Variants in JAKMIP1 observed in about 807,000 individuals in gnomAD.
JAKMIP1 encodes the protein janus kinase and microtubule-interacting protein 1.
JAKMIP1 carries 33 observed loss-of-function variants against 113.0 expected under a neutral mutation model. The observed-to-expected ratio is 0.29, with a 90% CI of 0.22 to 0.39. JAKMIP1 has a LOEUF of 0.39. Ranked by LOEUF, JAKMIP1 falls within the 10% of genes least tolerant of loss-of-function variation. The pLI is 1.00. For synonymous variants in JAKMIP1, 480 were observed against 459.9 expected, an observed-to-expected ratio of 1.04 and a Z score of -0.56; for missense variants, 813 against 1,080.5, an observed-to-expected ratio of 0.75 and a Z score of 3.47.
rs1191358910 is a variant in JAKMIP1 at position 6,102,722 on chromosome 4, C to CTTTTTTT, written c.624+2744_624+2750dup. Among the ~76,000 whole-genome samples, 314 of 50,836 alleles carry CTTTTTTT rather than the reference C, an allele frequency of 6.2e-3. 56 individuals are homozygous for CTTTTTTT. Among genetic ancestry groups the CTTTTTTT allele is most frequent in the African/African-American group, 0.019 (218 of 11,688 alleles). 33.4% of individuals were successfully genotyped at this position (50,836 alleles called of 152,430 possible). On this transcript the variant is annotated intron_variant, in intron 3 of 20. Transcript: ENST00000409021. ...TCCCTTTTTTCTCCCTCTCTAAAGA[C>CTTTTTTT]TTTTTTTTTTTTTTTTTTTTTTTTT...
intron 1 of JAKMIP1, among the ~76,000 whole-genome samples, chr4:6,174,841 C>G (rs1055415949): frequency 6.6e-6 from 1 of 151,842 alleles, no homozygotes; most frequent in Non-Finnish European, 1.5e-5. Flanking sequence ...GTCGCCCCAA[C>G]TGTTTTGCAC....
In JAKMIP1 at chr4:6,086,706, A is replaced by C. The variant is rs115589569; in HGVS notation, c.625-1077T>G. Reference sequence around the variant, plus strand: ...AGACCCATGGCCTTCCTGGAACTTCAGAATGGGACCTTATTTGGAAAGAGG... The same window carrying C: ...AGACCCATGGCCTTCCTGGAACTTCCGAATGGGACCTTATTTGGAAAGAGG... On this transcript the variant is annotated intron_variant, in intron 3 of 20. Transcript: ENST00000409021. The surrounding 1 kb of genome is among the most constrained non-coding windows in gnomAD (Gnocchi z 4.1). Among the ~76,000 whole-genome samples the C allele has an allele frequency of 7.1e-3, 1,085 of 152,246 alleles. 12 individuals carry two copies. Among genetic ancestry groups the C allele is most frequent in the African/African-American group, 0.025 (1,034 of 41,554 alleles).
chr4:6,125,612 C>T (rs1220911394), intron 1 of JAKMIP1, among the ~76,000 whole-genome samples: 1 of 144,096 alleles, frequency 6.9e-6, no homozygotes, highest in Non-Finnish European at 1.5e-5. Flanking sequence ...CACACACACA[C>T]ACACCATACA....
rs966352561 is a variant in JAKMIP1 at position 6,154,723 on chromosome 4, C to T, written c.-147-41726G>A. Among the ~76,000 whole-genome samples, 1 of 152,044 alleles carries T rather than the reference C, an allele frequency of 6.6e-6. No homozygotes were observed. Among genetic ancestry groups the T allele is most frequent in the African/African-American group, 2.4e-5 (1 of 41,376 alleles). On this transcript the variant is annotated intron_variant, in intron 1 of 20. Transcript: ENST00000409021. This position sits in a 1 kb window ranked among gnomAD's most constrained non-coding sequence, Gnocchi z 4.2. ...ACCCCTCTTTCAGTTTACTTACTAC[C>T]CAGCCCACTCCTAACTCCCCACCCC...
chr4:6,149,094 G>T (rs1721236828), intron 1 of JAKMIP1, among the ~76,000 whole-genome samples: 2 of 152,192 alleles, frequency 1.3e-5, no homozygotes, highest in South Asian at 4.1e-4. Context: ...GGTTTGCACT[G>T]ACTTCGGCCA....
chr4:6,169,112 G>A (rs925353669), intron 1 of JAKMIP1, among the ~76,000 whole-genome samples: 1 of 152,144 alleles, frequency 6.6e-6, no homozygotes, highest in African/African-American at 2.4e-5. Flanking sequence ...ACTTTAAAAG[G>A]CCAGATTTTA....
intron 3 of JAKMIP1, among the ~76,000 whole-genome samples, chr4:6,100,072 T>A (rs1387987910): frequency 6.6e-6 from 1 of 152,208 alleles, no homozygotes; most frequent in Non-Finnish European, 1.5e-5. Flanking sequence ...CTTTTATCAA[T>A]CCTATTTAAA....
intron 3 of JAKMIP1, among the ~76,000 whole-genome samples, chr4:6,087,221 T>C (rs1373085862): frequency 2.0e-5 from 3 of 152,156 alleles, no homozygotes; most frequent in Non-Finnish European, 4.4e-5. Context: ...TGAAGGGCCC[T>C]CTTCTGATAG....
intron 1 of JAKMIP1, among the ~76,000 whole-genome samples, chr4:6,117,340 T>C (rs527399658): frequency 9.6e-4 from 146 of 152,254 alleles, no homozygotes; most frequent in African/African-American, 3.4e-3. Context: ...ACATCACTCA[T>C]TGGTAGGATC....
At position 6,154,391 on chromosome 4, in the gene JAKMIP1, A is replaced by G. The variant is rs1282854546; in HGVS notation, c.-147-41394T>C. Among the ~76,000 whole-genome samples the G allele has an allele frequency of 1.3e-5, 2 of 152,086 alleles. No homozygotes were observed. The highest frequency in any genetic ancestry group is 1.9e-4 in the East Asian group (1 of 5,180). ...AGGATTTACCACAAAGAGCGTGAAG[A>G]GAGTGGTCCCCTTCCAAGTCCCCAT... On this transcript the variant is annotated intron_variant, in intron 1 of 20. Transcript: ENST00000409021. This position sits in a 1 kb window ranked among gnomAD's most constrained non-coding sequence, Gnocchi z 4.2.
chr4:6,170,245 TCCCCCCACCCTTCTCACCACCACCACC>T (rs1724278700), intron 1 of JAKMIP1, among the ~76,000 whole-genome samples: 1 of 53,278 alleles, frequency 1.9e-5, no homozygotes. Context: ...TCACCACCAC[TCCCCCCACCCTTCTCACCACCACCACC>T]ACCATCACCA....
intron 8 of JAKMIP1, among the ~76,000 whole-genome samples, chr4:6,074,155 G>A (rs958964486): frequency 6.6e-6 from 1 of 152,252 alleles, no homozygotes; most frequent in Non-Finnish European, 1.5e-5. Flanking sequence ...CTGTTGGATA[G>A]GCCCAGTAAG....
In JAKMIP1 at chr4:6,137,392, G is replaced by A. The variant is rs941064301; in HGVS notation, c.-147-24395C>T. 1.3e-5 allele frequency among the ~76,000 whole-genome samples: 2 copies of A among 152,220 alleles called. No homozygotes were observed. Among genetic ancestry groups the A allele is most frequent in the African/African-American group, 2.4e-5 (1 of 41,468 alleles). On this transcript the variant is annotated intron_variant, in intron 1 of 20. Transcript: ENST00000409021. This position sits in a 1 kb window ranked among gnomAD's most constrained non-coding sequence, Gnocchi z 4.5. ...GTTCCCGTACCTTCGCTGGGAGTCA[G>A]GAAATTCACGGCTCTGGCCCATGGA...
chr4:6,085,991 TC>T (rs151187177), intron 3 of JAKMIP1, among the ~76,000 whole-genome samples: 3,460 of 152,166 alleles, frequency 0.023, 129 homozygotes, highest in African/African-American at 0.076. Flanking sequence ...GGCTTCTCTC[TC>T]CGTCTCCAGG....
At position 6,199,454 on chromosome 4, in the gene JAKMIP1, A is replaced by G. The variant is rs1728205964; in HGVS notation, c.-148+799T>C. On this transcript the variant is annotated intron_variant, in intron 1 of 20. Coordinates refer to ENST00000409021, the MANE Select transcript of JAKMIP1 (RefSeq NM_001099433.2). The surrounding 1 kb of genome is among the most constrained non-coding windows in gnomAD (Gnocchi z 5.6). ...TGGGAGGCGAGGCCGCAGCGCACTG[A>G]CGCAGGCCAGCGAGGCCGCTGGCCC... Among the ~76,000 whole-genome samples the G allele has an allele frequency of 6.6e-6, 1 of 152,166 alleles. No homozygotes were observed. Among genetic ancestry groups the G allele is most frequent in the African/African-American group, 2.4e-5 (1 of 41,446 alleles).
At chr4:6,084,342 T>C (rs967284018) in intron 5 of JAKMIP1, among the ~76,000 whole-genome samples, 2 of 151,340 alleles carry the variant, frequency 1.3e-5, no homozygotes, top group African/African-American at 4.9e-5. Flanking sequence ...AAAAGAATAA[T>C]TTCTAATATT....
In JAKMIP1 at chr4:6,064,952, C is replaced by T. The variant is rs769869746; in HGVS notation, c.1359G>A (p.Thr453=). 40 of 1,614,026 alleles carry T rather than the reference C, an allele frequency of 2.5e-5. No homozygotes were observed. In the Middle Eastern group the frequency reaches 6.6e-4, roughly 27 times the overall value. Residue 453 remains threonine (T), a synonymous_variant, in exon 9 of 21, where the codon ACG becomes ACA. Coordinates refer to ENST00000409021, the MANE Select transcript of JAKMIP1 (RefSeq NM_001099433.2). This position sits in a 1 kb window ranked among gnomAD's most constrained non-coding sequence, Gnocchi z 4.3. ...CTGTGTTGTAGGATGTTTCGGACAA[C>T]GTTTCTGAGTCCACAGACTCCTCAT... is the stretch of plus-strand genomic sequence containing the variant. ...GFDEESVDSE[T]LSETSYNTDR... is the part of the protein sequence containing the mutation.
intron 5 of JAKMIP1, among the ~76,000 whole-genome samples, chr4:6,084,476 T>C (rs899313410): frequency 6.6e-6 from 1 of 152,210 alleles, no homozygotes; most frequent in African/African-American, 2.4e-5. Flanking sequence ...CTAGAATTCA[T>C]TGTATAAATA....
At chr4:6,170,761 TCCC>T in intron 1 of JAKMIP1, among the ~76,000 whole-genome samples, 1 of 60,810 alleles carries the variant, frequency 1.6e-5, no homozygotes, top group Non-Finnish European at 4.0e-5. Flanking sequence ...CACCACCACA[TCCC>T]CATCACCATC....
Sources: gnomAD v4.1 joint callset for allele counts (sites outside exome capture counted in the v4.1 genomes callset) on GRCh38, gnomAD v4.1.1 for gene constraint, Gnocchi (gnomAD v3.1) non-coding constraint, MANE v1.5 for transcripts, NCBI Gene and HGNC (gene_info 2026-07-23, HGNC 2026-07-21) for gene names.